MICU1: variants seen among roughly 807,000 people sequenced by gnomAD.
The protein encoded by MICU1 is mitochondrial calcium uptake 1.
In MICU1, 45 loss-of-function variants were observed where a neutral mutation model predicts 56.8. The observed-to-expected ratio is 0.79, with a 90% CI of 0.62 to 1.02. The LOEUF is 1.02. MICU1 is among the 50% of genes least tolerant of loss of function. MICU1 has a pLI of 0.00. For missense variants in MICU1, 504 were observed against 587.1 expected (o/e 0.86, Z 1.46); for synonymous variants, 186 against 195.1 (o/e 0.95, Z 0.39).
chr10:72,612,047 T>C (rs78274275), intron 1 of MICU1, among the ~76,000 whole-genome samples: 4 of 138,632 alleles, frequency 2.9e-5, no homozygotes, highest in African/African-American at 1.1e-4. Flanking sequence ...AGCTAGATAA[T>C]AGTGAAATTG....
intron 8 of MICU1, among the ~76,000 whole-genome samples, chr10:72,444,332 C>T (rs1267204905): frequency 6.6e-6 from 1 of 151,770 alleles, no homozygotes; most frequent in African/African-American, 2.4e-5. Context: ...TCTAACTAAC[C>T]TGCACATTGT....
intron 8 of MICU1, among the ~76,000 whole-genome samples, chr10:72,462,273 G>C (rs1468979822): frequency 2.7e-5 from 4 of 150,236 alleles, no homozygotes; most frequent in Non-Finnish European, 5.9e-5. Context: ...CTGGAGTGCA[G>C]TGGGGCAATC....
At chr10:72,464,295 CAAAAAAAAAAAAAAAA>C (rs58499998) in intron 8 of MICU1, among the ~76,000 whole-genome samples, 1 of 100,026 alleles carries the variant, frequency 1.0e-5, no homozygotes, top group Non-Finnish European at 1.8e-5. Flanking sequence ...GATTCTGTCT[CAAAAAAAAAAAAAAAA>C]AAAAAAAAAA....
intron 4 of MICU1, among the ~76,000 whole-genome samples, chr10:72,540,642 C>G (rs1451992016): frequency 6.6e-6 from 1 of 152,208 alleles, no homozygotes; most frequent in Non-Finnish European, 1.5e-5. Flanking sequence ...CCACTGCATT[C>G]TAGCCTGGGC....
intron 5 of MICU1, chr10:72,523,759 C>G (rs1344538465): frequency 2.4e-6 from 3 of 1,264,916 alleles, no homozygotes; most frequent in Middle Eastern, 2.3e-4. Context: ...TTATAAACTA[C>G]CATTAAAGAG....
rs1479845979 is a variant in MICU1, at chr10:72,551,271, A to C, written c.401T>G (p.Leu134Trp). 6.2e-7 allele frequency: 1 copy of C among 1,613,436 alleles called. No individual in the cohort carries two copies. The highest frequency in any genetic ancestry group is 1.7e-5 in the Admixed American group (1 of 59,944). ...TTCACCAGGCTCACTGATGACTTTC[A>C]AGGTGGCAAAATATCGGAAGATTTT... ...PDKIFRYFAT[L>W]KVISEPGEAE... is the part of the protein sequence containing the mutation. Residue 134 changes from leucine to tryptophan, a missense_variant, in exon 4 of 12, where the codon TTG (leucine) becomes TGG (tryptophan). Leu to Trp is a moderately conservative substitution (Grantham distance 61, BLOSUM62 -2). Transcript: ENST00000361114.
chr10:72,450,672 C>T (rs1865266885), intron 8 of MICU1, among the ~76,000 whole-genome samples: 1 of 151,864 alleles, frequency 6.6e-6, no homozygotes, highest in Non-Finnish European at 1.5e-5. Context: ...CTGGTGCTAG[C>T]AGAATATTCT....
chr10:72,522,072 C>G (rs1044032107), intron 5 of MICU1, among the ~76,000 whole-genome samples: 24 of 151,922 alleles, frequency 1.6e-4, no homozygotes, highest in Non-Finnish European at 1.0e-4. Context: ...AAGGACTATC[C>G]TCACACATTC....
At chr10:72,481,132 G>T (rs1866280942) in intron 6 of MICU1, among the ~76,000 whole-genome samples, 1 of 152,172 alleles carries the variant, frequency 6.6e-6, no homozygotes, top group Non-Finnish European at 1.5e-5. Context: ...AGTCTTTCTA[G>T]AAAGAGCTCT....
At position 72,448,193 on chromosome 10, in the gene MICU1, A is replaced by ATTTTTTTTTTT. The variant is rs71018289; in HGVS notation, c.934-24833_934-24823dup. 1.9e-4 allele frequency among the ~76,000 whole-genome samples: 7 copies of ATTTTTTTTTTT among 36,836 alleles called. 1 individual carries two copies. Among genetic ancestry groups the ATTTTTTTTTTT allele is most frequent in the Non-Finnish European group, 3.3e-4 (7 of 21,216 alleles). The allele number at this position is 36,836 out of a possible 152,430, so 24.2% of individuals were successfully genotyped here. A position where few individuals can be genotyped will look rare whatever the true frequency, so the allele number is the denominator to read the frequency against. Reference sequence around the variant, plus strand: ...TGTGTGTATATATATATATATATATATTTTTTTTTTTTTTTTTTTTTTTTG... The same window carrying ATTTTTTTTTTT: ...TGTGTGTATATATATATATATATATATTTTTTTTTTTTTTTTTTTTTTTTTTTTTTTTTTTG... On this transcript the variant is annotated intron_variant, in intron 8 of 11. Transcript: ENST00000361114.
intron 8 of MICU1, among the ~76,000 whole-genome samples, chr10:72,427,688 C>A (rs1864389085): frequency 6.7e-6 from 1 of 149,444 alleles, no homozygotes; most frequent in African/African-American, 2.5e-5. Flanking sequence ...TCGCTTGAGC[C>A]CAGGAGTTCA....
chr10:72,418,103 T>C (rs1361719690), intron 9 of MICU1, among the ~76,000 whole-genome samples: 1 of 152,150 alleles, frequency 6.6e-6, no homozygotes, highest in Non-Finnish European at 1.5e-5. Flanking sequence ...CTCATTGTCA[T>C]GAGAACAGGA....
chr10:72,459,832 G>A (rs1054309297), intron 8 of MICU1, among the ~76,000 whole-genome samples: 2 of 152,172 alleles, frequency 1.3e-5, no homozygotes, highest in South Asian at 4.1e-4. Context: ...GTCCAAGAGA[G>A]AACTCAGCAT....
intron 7 of MICU1, 85 bp downstream of exon 7, chr10:72,477,089 T>C: frequency 9.8e-7 from 1 of 1,021,564 alleles, no homozygotes; most frequent in Non-Finnish European, 1.4e-6. Flanking sequence ...CTGAGTATAC[T>C]GACCAAGGCT....
At chr10:72,506,965 A>T (rs1408414750) in intron 6 of MICU1, among the ~76,000 whole-genome samples, 1 of 152,168 alleles carries the variant, frequency 6.6e-6, no homozygotes, top group Non-Finnish European at 1.5e-5. Flanking sequence ...GGCAAGGCAT[A>T]TACATATATA....
chr10:72,514,803 C>A (rs901189043), intron 5 of MICU1, among the ~76,000 whole-genome samples: 4 of 152,212 alleles, frequency 2.6e-5, no homozygotes, highest in Middle Eastern at 3.2e-3. Context: ...TCTAAGGTTT[C>A]TTCTGAACAT....
At chr10:72,483,901 A>C (rs1866383086) in intron 6 of MICU1, 1 of 152,242 alleles carries the variant, frequency 6.6e-6, no homozygotes, top group Non-Finnish European at 1.5e-5. Context: ...GTAATTGATT[A>C]CAAAAGACAC....
intron 10 of MICU1, among the ~76,000 whole-genome samples, chr10:72,382,202 C>A (rs147045575): frequency 6.6e-6 from 1 of 151,654 alleles, no homozygotes; most frequent in Non-Finnish European, 1.5e-5. Flanking sequence ...CCTCGCCTCC[C>A]GGGTTTAAGT....
intron 8 of MICU1, among the ~76,000 whole-genome samples, chr10:72,465,065 A>T (rs1865747425): frequency 6.6e-6 from 1 of 152,128 alleles, no homozygotes; most frequent in South Asian, 2.1e-4. Context: ...CAATGGTGTG[A>T]TCTTGGCTCC....
Sources: allele counts gnomAD v4.1 joint callset (sites outside exome capture counted in the v4.1 genomes callset), GRCh38; gene constraint gnomAD v4.1.1; transcripts MANE v1.5; gene names NCBI Gene and HGNC (gene_info 2026-07-23, HGNC 2026-07-21).